The following FBXL7 variants were observed in gnomAD, a reference collection of about 807,000 sequenced individuals.
FBXL7 encodes the protein F-box/LRR-repeat protein 7.
A neutral mutation model predicts 38.3 loss-of-function variants in FBXL7; 12 were observed. The ratio of observed to expected loss-of-function variants is 0.31; its 90% confidence interval spans 0.20 to 0.51. The LOEUF (loss-of-function observed/expected upper bound fraction) is 0.51. Among genes scored for constraint, FBXL7 ranks in the 20% least tolerant of loss-of-function variants. The pLI is 0.98. For missense variants in FBXL7, 567 were observed against 676.4 expected (o/e 0.84, Z 1.79); for synonymous variants, 297 against 300.9 (o/e 0.99, Z 0.13).
intron 2 of FBXL7, among the ~76,000 whole-genome samples, chr5:15,862,135 A>G (rs1739501591): frequency 6.6e-6 from 1 of 152,194 alleles, no homozygotes; most frequent in Non-Finnish European, 1.5e-5. Context: ...TGTAGCTCCC[A>G]TAATTCTCTC....
chr5:15,594,626 A>C (rs1381493384), intron 1 of FBXL7, among the ~76,000 whole-genome samples: 1 of 152,230 alleles, frequency 6.6e-6, no homozygotes, highest in Admixed American at 6.5e-5. Context: ...AGAGACCTGA[A>C]GAGGCTGCTG....
chr5:15,520,205 A>G (rs1283347684), intron 1 of FBXL7, among the ~76,000 whole-genome samples: 1 of 152,060 alleles, frequency 6.6e-6, no homozygotes, highest in African/African-American at 2.4e-5. Context: ...AACCTATTTT[A>G]TCAGTAAGGT....
At chr5:15,627,945 T>C (rs898810380) in intron 2 of FBXL7, among the ~76,000 whole-genome samples, 10 of 152,150 alleles carry the variant, frequency 6.6e-5, no homozygotes, top group African/African-American at 2.4e-4. Flanking sequence ...AGAAGCACTT[T>C]AGTAGTAAAC....
chr5:15,932,307 C>T (rs145009865), intron 3 of FBXL7, among the ~76,000 whole-genome samples: 4 of 152,244 alleles, frequency 2.6e-5, no homozygotes, highest in South Asian at 2.1e-4. Flanking sequence ...CTGTCATTGT[C>T]GTTGTATTGT....
At chr5:15,547,472 G>A (rs796286433) in intron 1 of FBXL7, among the ~76,000 whole-genome samples, 13 of 152,270 alleles carry the variant, frequency 8.5e-5, no homozygotes, top group African/African-American at 3.1e-4. Flanking sequence ...GTCTGAGTCT[G>A]GTGAGACAGG....
chr5:15,628,333 A>T (rs1456135745), intron 2 of FBXL7, among the ~76,000 whole-genome samples: 1 of 85,306 alleles, frequency 1.2e-5, no homozygotes, highest in Non-Finnish European at 2.9e-5. Context: ...GTGTAGGAGG[A>T]TATCCAGGAG....
intron 2 of FBXL7, among the ~76,000 whole-genome samples, chr5:15,891,051 CT>C (rs1740884114): frequency 6.6e-6 from 1 of 152,050 alleles, no homozygotes; most frequent in Non-Finnish European, 1.5e-5. Context: ...CATAATTTAT[CT>C]TTTTTGTGGT....
chr5:15,643,611 C>G (rs1313977048), intron 2 of FBXL7, among the ~76,000 whole-genome samples: 5 of 152,132 alleles, frequency 3.3e-5, no homozygotes, highest in Non-Finnish European at 5.9e-5. Context: ...AACTTTGAAC[C>G]ATGCTCGGTC....
chr5:15,667,452 A>C (rs1554013404), intron 2 of FBXL7, among the ~76,000 whole-genome samples: 3 of 152,158 alleles, frequency 2.0e-5, no homozygotes, highest in Non-Finnish European at 4.4e-5. Flanking sequence ...CTGGAAAGGA[A>C]TACTATGCTT....
chr5:15,590,551 A>T (rs1054517395), intron 1 of FBXL7, among the ~76,000 whole-genome samples: 49 of 151,972 alleles, frequency 3.2e-4, no homozygotes, highest in Admixed American at 3.1e-3. Flanking sequence ...GCCCTAGTAA[A>T]TAATCTGTGG....
At chr5:15,690,060 G>T (rs185039908) in intron 2 of FBXL7, among the ~76,000 whole-genome samples, 1 of 152,280 alleles carries the variant, frequency 6.6e-6, no homozygotes. Context: ...TTCTTGTTGA[G>T]AACCACTGGT....
chr5:15,629,021 T>A (rs1740909462), intron 2 of FBXL7, among the ~76,000 whole-genome samples: 1 of 151,976 alleles, frequency 6.6e-6, no homozygotes, highest in Admixed American at 6.6e-5. Context: ...CTCATGCATG[T>A]AATCTGTGCA....
intron 1 of FBXL7, among the ~76,000 whole-genome samples, chr5:15,583,857 C>T (rs1561038375): frequency 1.3e-5 from 2 of 152,226 alleles, no homozygotes; most frequent in Non-Finnish European, 2.9e-5. Flanking sequence ...ACATTTTCTT[C>T]AGACTGCCCT....
At chr5:15,926,142 T>C (rs1434165268) in intron 2 of FBXL7, among the ~76,000 whole-genome samples, 1 of 152,080 alleles carries the variant, frequency 6.6e-6, no homozygotes, top group South Asian at 2.1e-4. Context: ...AACCCCATAG[T>C]AAGCTGGGGA....
intron 2 of FBXL7, among the ~76,000 whole-genome samples, chr5:15,834,108 T>A (rs1489075367): frequency 6.6e-6 from 1 of 152,198 alleles, no homozygotes; most frequent in Non-Finnish European, 1.5e-5. Context: ...AGAAAAATGC[T>A]TACCAGGAGT....
chr5:15,588,708 A>G lies in FBXL7; in HGVS notation c.38-27275A>G, dbSNP rs115294023. Among the ~76,000 whole-genome samples the G allele has an allele frequency of 2.3e-3, 356 of 152,294 alleles. 2 individuals carry two copies. Among genetic ancestry groups the G allele is most frequent in the African/African-American group, 8.2e-3 (342 of 41,566 alleles). On this transcript the variant is annotated intron_variant, in intron 1 of 3. Transcript: ENST00000504595. The stretch of plus-strand genomic sequence containing the variant: ...GGCCGCCATGTTGTAATTTTGACTC[A>G]TTAACAGGTTGTATGAAATCGGGAT...
intron 2 of FBXL7, among the ~76,000 whole-genome samples, chr5:15,717,824 G>A (rs1460014847): frequency 2.6e-5 from 4 of 152,040 alleles, no homozygotes; most frequent in Admixed American, 2.6e-4. Flanking sequence ...AGAAGAGCCC[G>A]GGGAAATGGT....
At chr5:15,727,749 T>A (rs1561102132) in intron 2 of FBXL7, among the ~76,000 whole-genome samples, 2 of 152,334 alleles carry the variant, frequency 1.3e-5, no homozygotes, top group South Asian at 4.1e-4. Flanking sequence ...TAGATATTTA[T>A]ATTCATGTCT....
At chr5:15,563,405 C>G (rs925293127) in intron 1 of FBXL7, among the ~76,000 whole-genome samples, 1 of 152,066 alleles carries the variant, frequency 6.6e-6, no homozygotes. Flanking sequence ...ATTTTCTGTG[C>G]GAAAGTTCTC....
Sources: gnomAD v4.1 joint callset for allele counts (sites outside exome capture counted in the v4.1 genomes callset) on GRCh38, gnomAD v4.1.1 for gene constraint, MANE v1.5 for transcripts, NCBI Gene and HGNC (gene_info 2026-07-23, HGNC 2026-07-21) for gene names.